The following GTF2A2 variants were observed in gnomAD, a reference collection of about 807,000 sequenced individuals.
GTF2A2 encodes transcription initiation factor IIA subunit 2.
Under a neutral mutation model 14.3 loss-of-function variants are expected in GTF2A2, and 9 were observed. That is an observed-to-expected ratio of 0.63 (90% CI 0.38 to 1.10). The LOEUF (loss-of-function observed/expected upper bound fraction) is 1.10, where lower values mean the gene tolerates loss of function less well. Among genes scored for constraint, GTF2A2 ranks in the 50% least tolerant of loss-of-function variants. GTF2A2 has a pLI of 0.01. For synonymous variants in GTF2A2, 56 were observed against 46.0 expected (o/e 1.22, Z -0.88); for missense variants, 90 against 124.6 (o/e 0.72, Z 1.32).
chr15:59,639,932 G>T (rs1479684215), intron 4 of GTF2A2, among the ~76,000 whole-genome samples: 1 of 151,830 alleles, frequency 6.6e-6, no homozygotes. Context: ...TGTATTTTTA[G>T]TAGAGATGGA....
Position 59,639,142 on chromosome 15 carries a change from G to A in GTF2A2, c.320C>T (p.Thr107Ile). The change falls in exon 5 of 5, where the codon ACT (threonine) becomes ATT (isoleucine). Residue 107 changes from threonine (T) to isoleucine (I), a missense_variant. Physicochemically the swap from Thr to Ile is moderately conservative, Grantham distance 89 (BLOSUM62 -1). Coordinates refer to ENST00000396060, the MANE Select transcript of GTF2A2 (RefSeq NM_004492.3). ...ACDGKNTGSN[T>I]TE ...TCATATTTTTTCTATTCATTCTGTAGTATTGGAGCCAGTATCTAGGAAACA... is the reference window on the plus strand; with the variant it reads ...TCATATTTTTTCTATTCATTCTGTAATATTGGAGCCAGTATCTAGGAAACA... 6.8e-7 allele frequency: 1 copy of A among 1,460,706 alleles called. No individual in the cohort carries two copies. Among genetic ancestry groups the A allele is most frequent in the Non-Finnish European group, 9.6e-7 (1 of 1,042,750 alleles). 90.5% of individuals were successfully genotyped at this position (1,460,706 alleles called of 1,614,324 possible). A position where few individuals can be genotyped will look rare whatever the true frequency, so the allele number is the denominator to read the frequency against.
chr15:59,648,809 C>A (rs1413360149), intron 3 of GTF2A2, among the ~76,000 whole-genome samples: 2 of 152,088 alleles, frequency 1.3e-5, no homozygotes, highest in African/African-American at 4.8e-5. Context: ...TGGCGGGCAC[C>A]TGTAGTCCCA....
intron 3 of GTF2A2, among the ~76,000 whole-genome samples, chr15:59,649,540 G>T (rs1301001771): frequency 6.6e-6 from 1 of 152,000 alleles, no homozygotes; most frequent in Non-Finnish European, 1.5e-5. Context: ...CTGCATATGG[G>T]TATATAAAAA....
At chr15:59,642,311 C>G in intron 3 of GTF2A2, 49 bp from the exon 4 acceptor site, 1 of 1,515,604 alleles carries the variant, frequency 6.6e-7, no homozygotes, top group Non-Finnish European at 8.9e-7. Context: ...TTTCCCCTCA[C>G]ATTTTTCTCC....
In GTF2A2 at chr15:59,638,898, T is replaced by G; in HGVS notation, c.*234A>C. ...TTTAAAATGAGTTTATTAAAGAAGG[T>G]TCTTAGGAAGGCAACAACTTTTGTC... On this transcript the variant is annotated 3_prime_UTR_variant, in exon 5 of 5. Transcript: ENST00000396060. 1 of 439,084 alleles carries G rather than the reference T, an allele frequency of 2.3e-6. No individual in the cohort carries two copies. Among genetic ancestry groups the G allele is most frequent in the Non-Finnish European group, 4.1e-6 (1 of 242,598 alleles). The allele number at this position is 439,084 out of a possible 1,614,324, so 27.2% of individuals were successfully genotyped here.
At chr15:59,642,415 A>G (rs1891460749) in intron 3 of GTF2A2, among the ~76,000 whole-genome samples, 153 bp from the exon 4 acceptor site, 1 of 152,230 alleles carries the variant, frequency 6.6e-6, no homozygotes, top group East Asian at 1.9e-4. Flanking sequence ...TATTAAAAAA[A>G]CAACCACCAG....
At chr15:59,650,548 C>T in intron 3 of GTF2A2, 121 bp downstream of exon 3, 1 of 569,338 alleles carries the variant, frequency 1.8e-6, no homozygotes, top group South Asian at 2.5e-5. Context: ...AAAACAAGTT[C>T]CAAAAATTGA....
At chr15:59,640,156 T>TACTACACCGTGCTGAAGGGTGAG (rs1555393927) in intron 4 of GTF2A2, 1 of 151,684 alleles carries the variant, frequency 6.6e-6, no homozygotes, top group Non-Finnish European at 1.5e-5. Flanking sequence ...AAAGATCAAT[T>TACTACACCGTGCTGAAGGGTGAG]ACTACACCGT....
At chr15:59,649,573 A>G (rs1489581720) in intron 3 of GTF2A2, among the ~76,000 whole-genome samples, 3 of 152,214 alleles carry the variant, frequency 2.0e-5, no homozygotes, top group Admixed American at 2.0e-4. Context: ...TTTTGGCAGA[A>G]TCATTACTGT....
chr15:59,643,416 GT>G (rs1167021649), intron 3 of GTF2A2, among the ~76,000 whole-genome samples: 1 of 151,428 alleles, frequency 6.6e-6, no homozygotes, highest in Non-Finnish European at 1.5e-5. Flanking sequence ...ACAGGGTCTT[GT>G]TATGTTGGCC....
intron 4 of GTF2A2, among the ~76,000 whole-genome samples, chr15:59,641,200 TA>T (rs1198257017): frequency 1.1e-5 from 1 of 91,804 alleles, no homozygotes; most frequent in East Asian, 2.1e-4. Flanking sequence ...TTTTTTTTTT[TA>T]AGGCTTAAGA....
At chr15:59,649,799 C>G (rs1891736683) in intron 3 of GTF2A2, among the ~76,000 whole-genome samples, 1 of 152,194 alleles carries the variant, frequency 6.6e-6, no homozygotes, top group East Asian at 1.9e-4. Flanking sequence ...GTTATCTTTT[C>G]ATCTCTGTGT....
intron 3 of GTF2A2, among the ~76,000 whole-genome samples, chr15:59,642,599 G>A (rs1891467452): frequency 6.6e-6 from 1 of 152,148 alleles, no homozygotes; most frequent in Non-Finnish European, 1.5e-5. Flanking sequence ...GGAAATATTT[G>A]TTAAAAGTTA....
chr15:59,652,500 G>GT (rs1198439867), intron 1 of GTF2A2, among the ~76,000 whole-genome samples, 174 bp from the exon 2 acceptor site: 4 of 151,856 alleles, frequency 2.6e-5, no homozygotes, highest in Non-Finnish European at 4.4e-5. Flanking sequence ...TGATTTTCCA[G>GT]TTTTTTTCCC....
At position 59,639,895 on chromosome 15, in the gene GTF2A2, C is replaced by T. The variant is rs560183687; in HGVS notation, c.305-738G>A. Among the ~76,000 whole-genome samples, 19 of 152,114 alleles carry T rather than the reference C, an allele frequency of 1.2e-4. No homozygotes were observed. In the South Asian group the frequency reaches 1.5e-3, roughly 12 times the overall value. ...CCTCCGCAGCAGCTGGGATTACAGG[C>T]GGGTACCACCATGCCTGGCTAATTT... On this transcript the variant is annotated intron_variant, in intron 4 of 4. Coordinates refer to ENST00000396060, the MANE Select transcript of GTF2A2 (RefSeq NM_004492.3).
intron 3 of GTF2A2, among the ~76,000 whole-genome samples, chr15:59,644,660 C>T (rs191938705): frequency 6.6e-6 from 1 of 152,236 alleles, no homozygotes; most frequent in East Asian, 1.9e-4. Context: ...ATGGAGGACA[C>T]AAGGCAGAGA....
chr15:59,654,141 C>G (rs1891873926), intron 1 of GTF2A2, among the ~76,000 whole-genome samples: 1 of 152,188 alleles, frequency 6.6e-6, no homozygotes, highest in South Asian at 2.1e-4. Context: ...CATCACTGGT[C>G]TATTCAAAAC....
rs1414471962 is a variant in GTF2A2, at chr15:59,638,668, G to C, written c.*464C>G. 6.6e-6 allele frequency: 1 copy of C among 152,254 alleles called. No homozygotes were observed. The highest frequency in any genetic ancestry group is 2.1e-4 in the South Asian group (1 of 4,820). The allele number at this position is 152,254 out of a possible 1,614,324, so 9.4% of individuals were successfully genotyped here. On this transcript the variant is annotated 3_prime_UTR_variant, in exon 5 of 5. Coordinates refer to ENST00000396060, the MANE Select transcript of GTF2A2 (RefSeq NM_004492.3). ...TTGGTTTTGTATTTTAAAAAGCAAGGGATTTTCTTAAAAAATTCCATCCAG... is the reference window on the plus strand; with the variant it reads ...TTGGTTTTGTATTTTAAAAAGCAAGCGATTTTCTTAAAAAATTCCATCCAG...
At chr15:59,651,363 G>C (rs1891787403) in intron 2 of GTF2A2, 1 of 152,322 alleles carries the variant, frequency 6.6e-6, no homozygotes, top group Admixed American at 6.5e-5. Context: ...TTTTAGTAGA[G>C]ACAGGGTTTC....
Sources: allele counts gnomAD v4.1 joint callset (sites outside exome capture counted in the v4.1 genomes callset), GRCh38; gene constraint gnomAD v4.1.1; transcripts MANE v1.5; gene names NCBI Gene and HGNC (gene_info 2026-07-23, HGNC 2026-07-21).